ARHGAP44: variants seen among roughly 807,000 people sequenced by gnomAD.
ARHGAP44 encodes the protein Rho GTPase activating protein 44.
Under a neutral mutation model 106.8 loss-of-function variants are expected in ARHGAP44, and 43 were observed. The observed-to-expected ratio is 0.40, with a 90% CI of 0.32 to 0.52. The LOEUF is 0.52. ARHGAP44 is among the 20% of genes least tolerant of loss of function. The probability of loss-of-function intolerance (pLI) is 0.48; values close to 1 mark genes in which losing one functional copy is unlikely to be tolerated. For missense variants in ARHGAP44, 866 were observed against 1,050.5 expected, an observed-to-expected ratio of 0.82 and a Z score of 2.43; for synonymous variants, 439 against 410.3, an observed-to-expected ratio of 1.07 and a Z score of -0.85.
chr17:12,877,234 T>G (rs1332418410), intron 1 of ARHGAP44, among the ~76,000 whole-genome samples: 3 of 152,190 alleles, frequency 2.0e-5, no homozygotes, highest in Non-Finnish European at 2.9e-5. Context: ...AGTTACTTAC[T>G]AAAGATGTTT....
intron 1 of ARHGAP44, among the ~76,000 whole-genome samples, chr17:12,792,227 G>T (rs1270832307): frequency 6.6e-6 from 1 of 152,040 alleles, no homozygotes; most frequent in Non-Finnish European, 1.5e-5. Flanking sequence ...CATCATTTCA[G>T]TCTTGGTTCC....
At chr17:12,798,291 A>G (rs2033985798) in intron 1 of ARHGAP44, among the ~76,000 whole-genome samples, 1 of 152,208 alleles carries the variant, frequency 6.6e-6, no homozygotes, top group South Asian at 2.1e-4. Context: ...ATTAAAATGC[A>G]TGATGATTGG....
chr17:12,835,420 C>T (rs776651467), intron 1 of ARHGAP44, among the ~76,000 whole-genome samples: 13 of 151,982 alleles, frequency 8.6e-5, no homozygotes, highest in African/African-American at 1.9e-4. Flanking sequence ...AAATCAATAC[C>T]GTAGGCATGA....
intron 1 of ARHGAP44, among the ~76,000 whole-genome samples, chr17:12,841,639 C>CACACACACACACACAA: frequency 7.3e-6 from 1 of 137,470 alleles, no homozygotes; most frequent in African/African-American, 2.9e-5. Flanking sequence ...CACACACACA[C>CACACACACACACACAA]AAACAAACAA....
chr17:12,860,913 G>A (rs1041208448), intron 1 of ARHGAP44, among the ~76,000 whole-genome samples: 1 of 147,248 alleles, frequency 6.8e-6, no homozygotes, highest in Non-Finnish European at 1.5e-5. Context: ...TCTTGGTGCA[G>A]TGGTATGATC....
intron 1 of ARHGAP44, among the ~76,000 whole-genome samples, chr17:12,839,550 G>T (rs997907800): frequency 6.6e-6 from 1 of 152,026 alleles, no homozygotes; most frequent in African/African-American, 2.4e-5. Context: ...TGATTTCCAC[G>T]TCTGAACTTG....
In ARHGAP44 at chr17:12,949,826, C is replaced by G. The variant is rs1409232983; in HGVS notation, c.1055+96C>G. The stretch of plus-strand genomic sequence containing the variant: ...AGCATGTAACCTATGATCTCGCAAC[C>G]CCGTTTCTTGATCTCTGCCATGAAG... On this transcript the variant is annotated intron_variant, in intron 12 of 20. Transcript: ENST00000379672. This position sits in a 1 kb window ranked among gnomAD's most constrained non-coding sequence, Gnocchi z 4.1. The G allele has an allele frequency of 1.6e-5, 20 of 1,236,020 alleles. No homozygotes were observed. The Admixed American group carries it at 4.0e-4, about 25-fold the overall frequency. 76.6% of individuals were successfully genotyped at this position (1,236,020 alleles called of 1,614,324 possible).
At chr17:12,970,195 A>T (rs191465001) in intron 16 of ARHGAP44, among the ~76,000 whole-genome samples, 2 of 149,062 alleles carry the variant, frequency 1.3e-5, no homozygotes, top group Admixed American at 6.7e-5. Context: ...GGTGAAACTC[A>T]TCTCTAAAAA....
At chr17:12,813,458 A>G (rs939501694) in intron 1 of ARHGAP44, among the ~76,000 whole-genome samples, 2 of 152,202 alleles carry the variant, frequency 1.3e-5, no homozygotes, top group Non-Finnish European at 2.9e-5. Context: ...AGTGTTTGTT[A>G]TATGTAATGT....
rs2040089859 is a variant in ARHGAP44 at position 12,990,143 on chromosome 17, A to G, written c.2429A>G (p.Glu810Gly). The change falls in exon 21 of 21, where the codon GAG becomes GGG. Residue 810 changes from glutamate (E) to glycine (G), a missense_variant. This residue lies in a region of ARHGAP44 where 418 missense variants were observed against 403.6 expected (regional missense o/e 1.04). Coordinates refer to ENST00000379672, the MANE Select transcript of ARHGAP44 (RefSeq NM_014859.6). ...TCAGTAACTGACAAGAGGGACTCGGAGGAGGAGTCTGAGAGCACCGCCCTC... is the reference window on the plus strand; with the variant it reads ...TCAGTAACTGACAAGAGGGACTCGGGGGAGGAGTCTGAGAGCACCGCCCTC... ...RHSVTDKRDS[E>G]EESESTAL The G allele has an allele frequency of 6.2e-7, 1 of 1,613,020 alleles. No homozygotes were observed. The highest frequency in any genetic ancestry group is 8.5e-7 in the Non-Finnish European group (1 of 1,179,404).
Position 12,931,849 on chromosome 17 carries a change from C to A in ARHGAP44, c.582+2803C>A, listed in dbSNP as rs199810730. On this transcript the variant is annotated intron_variant, in intron 7 of 20. Coordinates refer to ENST00000379672, the MANE Select transcript of ARHGAP44 (RefSeq NM_014859.6). ...ATATTCCACAGTAGGGATACACACACACACACACACACACACACACACACA... is the reference window on the plus strand; with the variant it reads ...ATATTCCACAGTAGGGATACACACAAACACACACACACACACACACACACA... Among the ~76,000 whole-genome samples the A allele has an allele frequency of 2.5e-5, 3 of 119,264 alleles. No homozygotes were observed. In the South Asian group the frequency reaches 1.0e-3, roughly 41 times the overall value. 78.2% of individuals were successfully genotyped at this position (119,264 alleles called of 152,430 possible).
chr17:12,926,148 T>C (rs1019095922), intron 6 of ARHGAP44, among the ~76,000 whole-genome samples: 1 of 152,028 alleles, frequency 6.6e-6, no homozygotes, highest in African/African-American at 2.4e-5. Context: ...GTGGATGGCC[T>C]GAGGTCAGGA....
intron 1 of ARHGAP44, among the ~76,000 whole-genome samples, chr17:12,829,111 G>T (rs561805047): frequency 1.0e-3 from 153 of 152,176 alleles, no homozygotes; most frequent in African/African-American, 3.3e-3. Flanking sequence ...ATAAGGTAGG[G>T]ATTAACTCCT....
intron 1 of ARHGAP44, among the ~76,000 whole-genome samples, chr17:12,874,404 CAG>C (rs1162331815): frequency 6.6e-6 from 1 of 152,090 alleles, no homozygotes; most frequent in Non-Finnish European, 1.5e-5. Context: ...AACAAGGTAA[CAG>C]AGCCTGCCAC....
At chr17:12,904,807 T>C (rs1045148375) in intron 3 of ARHGAP44, among the ~76,000 whole-genome samples, 3 of 152,200 alleles carry the variant, frequency 2.0e-5, no homozygotes, top group South Asian at 2.1e-4. Flanking sequence ...ATCTGGTCAC[T>C]ATTAGGGTCT....
At chr17:12,908,137 A>G (rs533347009) in intron 3 of ARHGAP44, among the ~76,000 whole-genome samples, 4 of 149,766 alleles carry the variant, frequency 2.7e-5, no homozygotes, top group Admixed American at 6.6e-5. Flanking sequence ...TTTCTGGGTT[A>G]TAATTGCATG....
chr17:12,989,954 G>T (rs1407758468), intron 20 of ARHGAP44, 78 bp from the exon 21 acceptor site: 2 of 1,563,524 alleles, frequency 1.3e-6, no homozygotes, highest in Admixed American at 3.4e-5. Context: ...TCCTAAGGCT[G>T]ACATTATTTG....
chr17:12,967,589 A>G (rs977890081), intron 16 of ARHGAP44, among the ~76,000 whole-genome samples: 5 of 152,026 alleles, frequency 3.3e-5, no homozygotes, highest in East Asian at 1.9e-4. Flanking sequence ...AGTAAAAGGA[A>G]TGACCCATTT....
At position 12,941,115 on chromosome 17, in the gene ARHGAP44, C is replaced by T; in HGVS notation, c.642C>T (p.Tyr214=). The change falls in exon 8 of 21, where the codon TAC becomes TAT. Residue 214 remains tyrosine, a synonymous_variant. Transcript: ENST00000379672. ...CCAAAGAAATTGACTATGCAAACTA[C>T]TTTCAAACGGTAAGTGCCCAGAAAG... ...FVAKEIDYAN[Y]FQTLIEVQAE... 6.2e-7 allele frequency: 1 copy of T among 1,613,936 alleles called. No homozygotes were observed. The highest frequency in any genetic ancestry group is 8.5e-7 in the Non-Finnish European group (1 of 1,179,846).
Sources: allele counts gnomAD v4.1 joint callset (sites outside exome capture counted in the v4.1 genomes callset), GRCh38; gene constraint gnomAD v4.1.1; regional missense constraint gnomAD v4.1.1; non-coding constraint Gnocchi (gnomAD v3.1); transcripts MANE v1.5; gene names NCBI Gene and HGNC (gene_info 2026-07-23, HGNC 2026-07-21).